The following LNP1 variants were observed in gnomAD, a reference collection of about 807,000 sequenced individuals.
LNP1 encodes the protein leukemia NUP98 fusion partner 1.
LNP1 carries 12 observed loss-of-function variants against 14.5 expected under a neutral mutation model. That is an observed-to-expected ratio of 0.83 (90% CI 0.53 to 1.34). The LOEUF (loss-of-function observed/expected upper bound fraction) is 1.34. Ranked by LOEUF, LNP1 falls within the 40% of genes most tolerant of loss-of-function variation. The probability of loss-of-function intolerance (pLI) is 0.00; values close to 1 mark genes in which losing one functional copy is unlikely to be tolerated. For missense variants in LNP1, 198 were observed against 210.9 expected (o/e 0.94, Z 0.38); for synonymous variants, 75 against 71.4 (o/e 1.05, Z -0.26).
Position 100,455,777 on chromosome 3 carries a change from G to T in LNP1, c.388G>T (p.Gly130Ter), listed in dbSNP as rs747753975. 6.2e-7 allele frequency: 1 copy of T among 1,613,520 alleles called. No individual in the cohort carries two copies. The highest frequency in any genetic ancestry group is 1.3e-5 in the African/African-American group (1 of 74,822). ...CFRTKRSASL[G>*]PESRKERNER... ...CCTGTTTCTGATCTTTCCCTTTCAGGGACCTGAAAGCAGAAAGGAGAGAAA... is the reference window on the plus strand; with the variant it reads ...CCTGTTTCTGATCTTTCCCTTTCAGTGACCTGAAAGCAGAAAGGAGAGAAA... Residue 130 changes from glycine (G) to a stop codon, truncating the protein, a stop_gained and splice_region_variant, in exon 4 of 4, where the codon GGA becomes TGA. Coordinates refer to ENST00000383693, the MANE Select transcript of LNP1 (RefSeq NM_001085451.2). LOFTEE classifies it low-confidence loss of function (END_TRUNC).
At chr3:100,410,625 A>G (rs953746301) in intron 1 of LNP1, among the ~76,000 whole-genome samples, 1 of 152,204 alleles carries the variant, frequency 6.6e-6, no homozygotes, top group Non-Finnish European at 1.5e-5. Context: ...ATTGGGTACA[A>G]CTCATGGACT....
chr3:100,432,555 A>G (rs1468489053), intron 2 of LNP1, among the ~76,000 whole-genome samples: 1 of 152,154 alleles, frequency 6.6e-6, no homozygotes, highest in Admixed American at 6.5e-5. Flanking sequence ...ATAGAATGCT[A>G]CTTTTTCCCC....
At chr3:100,427,155 A>G (rs1707200385) in intron 1 of LNP1, among the ~76,000 whole-genome samples, 1 of 151,906 alleles carries the variant, frequency 6.6e-6, no homozygotes, top group South Asian at 2.1e-4. Flanking sequence ...TAGCTCTTGG[A>G]ACTGACTTAA....
intron 1 of LNP1, among the ~76,000 whole-genome samples, chr3:100,410,422 A>G (rs1253520584): frequency 2.0e-5 from 3 of 152,210 alleles, no homozygotes; most frequent in African/African-American, 7.2e-5. Context: ...AGCAAAGAAT[A>G]TGGCTGCATT....
intron 1 of LNP1, among the ~76,000 whole-genome samples, chr3:100,428,822 G>A (rs1337553335): frequency 1.3e-5 from 2 of 152,120 alleles, no homozygotes; most frequent in African/African-American, 2.4e-5. Context: ...GCAAAAACAT[G>A]GATATATCTC....
At chr3:100,428,961 A>C (rs9853573) in intron 1 of LNP1, among the ~76,000 whole-genome samples, 1,706 of 152,246 alleles carry the variant, frequency 0.011, 22 homozygotes, top group African/African-American at 0.039. Context: ...GGGAGTATGG[A>C]TTGGAAGGGG....
chr3:100,440,563 A>T (rs555496142), intron 2 of LNP1, among the ~76,000 whole-genome samples: 2 of 152,172 alleles, frequency 1.3e-5, no homozygotes, highest in Non-Finnish European at 2.9e-5. Flanking sequence ...AGGTAAAAAT[A>T]TTGTTATTTT....
At chr3:100,433,695 G>A (rs1437775599) in intron 2 of LNP1, among the ~76,000 whole-genome samples, 1 of 152,112 alleles carries the variant, frequency 6.6e-6, no homozygotes, top group African/African-American at 2.4e-5. Context: ...GTGTAAAAGT[G>A]TTCCTATTTC....
chr3:100,438,739 T>C (rs1707315224), intron 2 of LNP1, among the ~76,000 whole-genome samples: 1 of 152,046 alleles, frequency 6.6e-6, no homozygotes, highest in Non-Finnish European at 1.5e-5. Flanking sequence ...GGAGAGTCAG[T>C]GTACAGGGCA....
intron 2 of LNP1, among the ~76,000 whole-genome samples, chr3:100,440,269 T>TG: frequency 6.6e-6 from 1 of 152,308 alleles, no homozygotes; most frequent in African/African-American, 2.4e-5. Context: ...TCAGAGCTGT[T>TG]GGGGGTTAGG....
At chr3:100,442,746 ATT>A (rs1707356223) in intron 2 of LNP1, among the ~76,000 whole-genome samples, 1 of 151,988 alleles carries the variant, frequency 6.6e-6, no homozygotes, top group African/African-American at 2.4e-5. Context: ...CCCCAAGATT[ATT>A]TTTCTTTCAC....
intron 1 of LNP1, among the ~76,000 whole-genome samples, chr3:100,414,469 C>A (rs551662423): frequency 2.6e-5 from 4 of 152,060 alleles, no homozygotes; most frequent in Admixed American, 2.0e-4. Flanking sequence ...ATCGCTTGAA[C>A]CTGGGAGGCA....
chr3:100,414,581 A>G (rs1465690682), intron 1 of LNP1, among the ~76,000 whole-genome samples: 1 of 151,984 alleles, frequency 6.6e-6, no homozygotes, highest in African/African-American at 2.4e-5. Context: ...AGGGCAGATG[A>G]TCCTGCGTAT....
At chr3:100,424,715 C>T (rs1707175740) in intron 1 of LNP1, among the ~76,000 whole-genome samples, 1 of 152,188 alleles carries the variant, frequency 6.6e-6, no homozygotes, top group African/African-American at 2.4e-5. Flanking sequence ...CAGCCAAGTT[C>T]CCAGAAGCCA....
intron 1 of LNP1, among the ~76,000 whole-genome samples, chr3:100,409,556 A>C (rs944147142): frequency 9.5e-6 from 1 of 105,582 alleles, no homozygotes; most frequent in Non-Finnish European, 1.9e-5. Flanking sequence ...ATATATATAC[A>C]TACACACACA....
Position 100,428,837 on chromosome 3 carries a change from A to G in LNP1, c.-33-860A>G, listed in dbSNP as rs143685949. On this transcript the variant is annotated intron_variant, in intron 1 of 3. Transcript: ENST00000383693. ...GCAAAAACATGGATATATCTCACTG[A>G]CATCATGTTGAATAACACAGGATAA... Among the ~76,000 whole-genome samples the G allele has an allele frequency of 2.8e-3, 430 of 152,356 alleles. 3 individuals carry two copies. Among genetic ancestry groups the G allele is most frequent in the Non-Finnish European group, 4.9e-3 (330 of 68,028 alleles).
chr3:100,433,359 G>T (rs1230452297), intron 2 of LNP1, among the ~76,000 whole-genome samples: 1 of 152,116 alleles, frequency 6.6e-6, no homozygotes, highest in African/African-American at 2.4e-5. Context: ...GAGGGTGATG[G>T]CTTCCAGCTT....
intron 3 of LNP1, among the ~76,000 whole-genome samples, chr3:100,454,332 A>G (rs1218229550): frequency 6.6e-6 from 1 of 152,202 alleles, no homozygotes; most frequent in Non-Finnish European, 1.5e-5. Context: ...TAAAATCTTA[A>G]TGCAAAATTA....
intron 1 of LNP1, among the ~76,000 whole-genome samples, chr3:100,421,828 T>C (rs1205436257): frequency 6.6e-6 from 1 of 152,196 alleles, no homozygotes; most frequent in African/African-American, 2.4e-5. Flanking sequence ...CAGAAAAGAA[T>C]GTTATGGAGG....
Sources: allele counts gnomAD v4.1 joint callset (sites outside exome capture counted in the v4.1 genomes callset), GRCh38; gene constraint gnomAD v4.1.1; transcripts MANE v1.5; gene names NCBI Gene and HGNC (gene_info 2026-07-23, HGNC 2026-07-21).